The following HERC2 variants were observed in gnomAD, a reference collection of about 807,000 sequenced individuals.
HERC2 encodes HECT and RLD domain containing E3 ubiquitin protein ligase 2, also known as E3 ubiquitin-protein ligase HERC2.
In HERC2, 102 loss-of-function variants were observed where a neutral mutation model predicts 537.7. The observed-to-expected ratio is 0.19, with a 90% CI of 0.16 to 0.22. HERC2 has a LOEUF of 0.22. Ranked by LOEUF, HERC2 falls within the 10% of genes least tolerant of loss-of-function variation. The probability of loss-of-function intolerance (pLI) is 1.00; values close to 1 mark genes in which losing one functional copy is unlikely to be tolerated. For synonymous variants in HERC2, 2,224 were observed against 2,466.2 expected, an observed-to-expected ratio of 0.90 and a Z score of 2.91; for missense variants, 4,236 against 6,198.2, an observed-to-expected ratio of 0.68 and a Z score of 10.63.
rs1890014339 is a variant in HERC2, at chr15:28,130,651, A to G, written c.12571-57T>C. 4 of 1,155,830 alleles carry G rather than the reference A, an allele frequency of 3.5e-6. No individual in the cohort carries two copies. The African/African-American group carries it at 4.6e-5, about 13-fold the overall frequency. The allele number at this position is 1,155,830 out of a possible 1,614,324, so 71.6% of individuals were successfully genotyped here. ...AGCAACAAGGCTCCTGCTGACTGCTATAACCACACTGAGATTTAACTAAAT... is the reference window on the plus strand; with the variant it reads ...AGCAACAAGGCTCCTGCTGACTGCTGTAACCACACTGAGATTTAACTAAAT... On this transcript the variant is annotated intron_variant, in intron 81 of 92. Coordinates refer to ENST00000261609, the MANE Select transcript of HERC2 (RefSeq NM_004667.6).
At position 28,201,574 on chromosome 15, in the gene HERC2, T is replaced by C; in HGVS notation, c.7618-20A>G. ...AGTAGACTGCAAGAAATAAATACAT[T>C]CAAACAAAAAAACAGGAGAACATGA... is the stretch of plus-strand genomic sequence containing the variant. On this transcript the variant is annotated intron_variant, in intron 47 of 92. Transcript: ENST00000261609. The C allele has an allele frequency of 6.6e-7, 1 of 1,510,338 alleles. No individual in the cohort carries two copies. The highest frequency in any genetic ancestry group is 9.2e-7 in the Non-Finnish European group (1 of 1,089,728). 93.6% of individuals were successfully genotyped at this position (1,510,338 alleles called of 1,614,324 possible). A position where few individuals can be genotyped will look rare whatever the true frequency, so the allele number is the denominator to read the frequency against.
chr15:28,178,233 G>A (rs748460079), intron 59 of HERC2, among the ~76,000 whole-genome samples: 6 of 152,206 alleles, frequency 3.9e-5, no homozygotes, highest in African/African-American at 7.2e-5. Context: ...AGGGGGCTGC[G>A]TGGGCAGGAG....
rs1482665345 is a variant in HERC2, at chr15:28,238,753, C to T, written c.3597G>A (p.Gln1199=). The T allele has an allele frequency of 6.2e-7, 1 of 1,610,976 alleles. No homozygotes were observed. The highest frequency in any genetic ancestry group is 8.5e-7 in the Non-Finnish European group (1 of 1,179,016). ...TCACTTCCTCATTATTTCTACAGTT[C>T]TGACCTGTAAAAAATGACTCTGTAT... ...PGIMESFFTG[Q]NCRNNEEVTL... Residue 1199 remains glutamine, a synonymous_variant, in exon 24 of 93, where the codon CAG becomes CAA. Coordinates refer to ENST00000261609, the MANE Select transcript of HERC2 (RefSeq NM_004667.6).
At chr15:28,142,518 C>G in intron 75 of HERC2, 125 bp from the exon 76 acceptor site, 1 of 952,468 alleles carries the variant, frequency 1.0e-6, no homozygotes, top group Non-Finnish European at 1.6e-6. Context: ...AGCAAGGATA[C>G]GGCCACCATC....
Position 28,124,090 on chromosome 15 carries a change from C to T in HERC2, c.13135G>A (p.Gly4379Arg), listed in dbSNP as rs777881619. ...AGAGTGTCGAACCCAACAGAAGGCC[C>T]GAGTCCAGTTTCGTCGAGCGAGCCT... ...LEGSLDETGL[G>R]PSVGFDTLRG... Residue 4379 changes from glycine (G) to arginine (R), a missense_variant, in exon 85 of 93, where the codon GGG becomes AGG. Coordinates refer to ENST00000261609, the MANE Select transcript of HERC2 (RefSeq NM_004667.6). 9.3e-6 allele frequency: 15 copies of T among 1,607,984 alleles called. No individual in the cohort carries two copies. Among genetic ancestry groups the T allele is most frequent in the South Asian group, 1.1e-5 (1 of 90,084 alleles).
At chr15:28,129,141 C>T (rs1037087708) in intron 83 of HERC2, among the ~76,000 whole-genome samples, 7 of 152,148 alleles carry the variant, frequency 4.6e-5, no homozygotes, top group Non-Finnish European at 1.0e-4. Flanking sequence ...TGGGGTTCCC[C>T]GGACCGCCCC....
intron 74 of HERC2, 141 bp downstream of exon 74, chr15:28,143,732 C>T (rs1282370138): frequency 8.7e-6 from 9 of 1,030,586 alleles, no homozygotes; most frequent in African/African-American, 1.6e-5. Context: ...ACGCATGAGC[C>T]ACCGCGCCCG....
intron 57 of HERC2, among the ~76,000 whole-genome samples, chr15:28,179,571 C>T (rs562586290): frequency 4.0e-4 from 61 of 152,370 alleles, no homozygotes; most frequent in African/African-American, 1.4e-3. Flanking sequence ...TATATATTCA[C>T]TCTCCTGTAC....
At chr15:28,303,101 T>A (rs1398598442) in intron 2 of HERC2, among the ~76,000 whole-genome samples, 3 of 152,014 alleles carry the variant, frequency 2.0e-5, no homozygotes, top group Non-Finnish European at 2.9e-5. Flanking sequence ...CTGGAGAGTC[T>A]CCCCAATGTT....
chr15:28,174,039 G>A (rs1253054006), intron 65 of HERC2, among the ~76,000 whole-genome samples: 1 of 151,838 alleles, frequency 6.6e-6, no homozygotes, highest in Non-Finnish European at 1.5e-5. Context: ...CTTTAAATAG[G>A]TGCAGTTTAT....
chr15:28,305,026 C>T (rs1212943734), intron 2 of HERC2, among the ~76,000 whole-genome samples: 3 of 149,566 alleles, frequency 2.0e-5, no homozygotes, highest in Non-Finnish European at 4.4e-5. Flanking sequence ...TCATCCATGT[C>T]CCTACAAAGG....
At position 28,177,544 on chromosome 15, in the gene HERC2, G is replaced by A; in HGVS notation, c.9164-35C>T. The A allele has an allele frequency of 6.2e-7, 1 of 1,600,864 alleles. No homozygotes were observed. Among genetic ancestry groups the A allele is most frequent in the East Asian group, 2.2e-5 (1 of 44,804 alleles). On this transcript the variant is annotated intron_variant, in intron 59 of 92. Transcript: ENST00000261609. This position sits in a 1 kb window ranked among gnomAD's most constrained non-coding sequence, Gnocchi z 5.0. ...TCACAGACACACGGATTGCCAAAGG[G>A]CAGGGAACAGAAAGCCCACAGCATA...
intron 23 of HERC2, among the ~76,000 whole-genome samples, chr15:28,242,390 G>C (rs891176662): frequency 6.6e-6 from 1 of 152,176 alleles, no homozygotes; most frequent in Non-Finnish European, 1.5e-5. Flanking sequence ...ACCAAAACCT[G>C]AATGTCTATT....
chr15:28,219,517 C>T (rs1489491974), intron 37 of HERC2, among the ~76,000 whole-genome samples: 1 of 152,212 alleles, frequency 6.6e-6, no homozygotes, highest in Non-Finnish European at 1.5e-5. Flanking sequence ...ATACATCGCT[C>T]CTAACAGGCC....
chr15:28,166,883 G>A (rs1045187637), intron 68 of HERC2, among the ~76,000 whole-genome samples: 26 of 152,228 alleles, frequency 1.7e-4, no homozygotes, highest in African/African-American at 5.8e-4. Flanking sequence ...AGCAACAAAC[G>A]TCACTATTTG....
chr15:28,198,433 G>A lies in HERC2; in HGVS notation c.7956C>T (p.Thr2652=), dbSNP rs61756155. The A allele has an allele frequency of 6.2e-7, 1 of 1,613,400 alleles. No individual in the cohort carries two copies. Among genetic ancestry groups the A allele is most frequent in the Non-Finnish European group, 8.5e-7 (1 of 1,179,828 alleles). ...GDKVRVKASV[T]TPKYKWGSVT... ...CAGATCCCCATTTGTATTTTGGTGT[G>A]GTGACAGAGGCTTTGACCCGCACTT... The change falls in exon 50 of 93, where the codon ACC becomes ACT. Residue 2652 remains threonine, a synonymous_variant. Transcript: ENST00000261609.
Position 28,116,652 on chromosome 15 carries a change from C to T in HERC2, c.13609+13G>A. 1.3e-6 allele frequency: 2 copies of T among 1,599,900 alleles called. No homozygotes were observed. Among genetic ancestry groups the T allele is most frequent in the Non-Finnish European group, 1.7e-6 (2 of 1,171,776 alleles). ...GCCACAGCGACACAGTCTCAAGCGG[C>T]CGAGAAGCTCACCCAGGAAGCGGAA... On this transcript the variant is annotated intron_variant, in intron 88 of 92. Coordinates refer to ENST00000261609, the MANE Select transcript of HERC2 (RefSeq NM_004667.6).
At chr15:28,180,206 C>T (rs747208939) in intron 57 of HERC2, among the ~76,000 whole-genome samples, 2 of 152,168 alleles carry the variant, frequency 1.3e-5, no homozygotes, top group Non-Finnish European at 2.9e-5. Flanking sequence ...TACACACATG[C>T]CACTGAGTTA....
At chr15:28,306,867 C>G (rs1316858822) in intron 2 of HERC2, among the ~76,000 whole-genome samples, 1 of 152,236 alleles carries the variant, frequency 6.6e-6, no homozygotes. Context: ...CACAGTCTCA[C>G]TCTGTCACCC....
Sources: gnomAD v4.1 joint callset for allele counts (sites outside exome capture counted in the v4.1 genomes callset) on GRCh38, gnomAD v4.1.1 for gene constraint, Gnocchi (gnomAD v3.1) non-coding constraint, MANE v1.5 for transcripts, NCBI Gene and HGNC (gene_info 2026-07-23, HGNC 2026-07-21) for gene names.